The following DZIP1L variants were observed in gnomAD, a reference collection of about 807,000 sequenced individuals.
DZIP1L encodes the protein DAZ interacting zinc finger protein 1 like.
DZIP1L carries 90 observed loss-of-function variants against 88.7 expected under a neutral mutation model. The ratio of observed to expected loss-of-function variants is 1.02; its 90% CI spans 0.86 to 1.21. The LOEUF is 1.21. Ranked by LOEUF, DZIP1L falls within the 50% of genes most tolerant of loss-of-function variation. The probability of loss-of-function intolerance (pLI) is 0.00; values close to 1 mark genes in which losing one functional copy is unlikely to be tolerated. For missense variants in DZIP1L, 932 were observed against 955.8 expected, an observed-to-expected ratio of 0.98 and a Z score of 0.33; for synonymous variants, 363 against 372.1, an observed-to-expected ratio of 0.98 and a Z score of 0.28.
intron 1 of DZIP1L, among the ~76,000 whole-genome samples, chr3:138,111,287 A>C (rs990728652): frequency 4.6e-5 from 7 of 152,252 alleles, no homozygotes; most frequent in African/African-American, 1.7e-4. Flanking sequence ...GTAAAAGCTG[A>C]GTAGGAATCC....
At chr3:138,101,398 C>G in intron 2 of DZIP1L, 3 of 694,688 alleles carry the variant, frequency 4.3e-6, no homozygotes, top group Non-Finnish European at 7.7e-6. Context: ...GTTCCCTGTG[C>G]TACCCTGCAC....
chr3:138,110,807 A>G (rs1281007055), intron 1 of DZIP1L, among the ~76,000 whole-genome samples: 1 of 152,242 alleles, frequency 6.6e-6, no homozygotes, highest in Admixed American at 6.5e-5. Context: ...TCTCACAACA[A>G]CCTATTATGC....
intron 10 of DZIP1L, among the ~76,000 whole-genome samples, chr3:138,077,921 A>C (rs1329832969): frequency 6.6e-6 from 1 of 152,238 alleles, no homozygotes; most frequent in Non-Finnish European, 1.5e-5. Context: ...CTGGTGGACA[A>C]GATAGACAGA....
rs186684749 is a variant in DZIP1L at position 138,095,260 on chromosome 3, T to A, written c.587-277A>T. On this transcript the variant is annotated intron_variant, in intron 3 of 15. Transcript: ENST00000327532. ...GTCTGGCACGACAGCTCAAAAAATGTGAATTACTATTGTACTGTCACTTAA... is the reference window on the plus strand; with the variant it reads ...GTCTGGCACGACAGCTCAAAAAATGAGAATTACTATTGTACTGTCACTTAA... Among the ~76,000 whole-genome samples the A allele has an allele frequency of 9.9e-5, 15 of 152,276 alleles. No homozygotes were observed. In the East Asian group the frequency reaches 2.9e-3, roughly 29 times the overall value.
chr3:138,100,799 G>A (rs1249411142), intron 2 of DZIP1L, among the ~76,000 whole-genome samples: 1 of 152,214 alleles, frequency 6.6e-6, no homozygotes. Context: ...CATCCTCAGA[G>A]CCTGGCACAG....
intron 12 of DZIP1L, among the ~76,000 whole-genome samples, 176 bp from the exon 13 acceptor site, chr3:138,068,543 T>G (rs1187084682): frequency 6.6e-6 from 1 of 152,104 alleles, no homozygotes; most frequent in African/African-American, 2.4e-5. Context: ...CTGGCCAGAT[T>G]CGAGGCTAGG....
At chr3:138,101,775 G>T in intron 2 of DZIP1L, 1 of 1,092,068 alleles carries the variant, frequency 9.2e-7, no homozygotes, top group Non-Finnish European at 1.4e-6. Flanking sequence ...TGGCGATCTT[G>T]ATGTCCAGGG....
chr3:138,102,156 A>C lies in DZIP1L; in HGVS notation c.501+1315T>G. On this transcript the variant is annotated intron_variant, in intron 2 of 15. Coordinates refer to ENST00000327532, the MANE Select transcript of DZIP1L (RefSeq NM_173543.3). ...CTCAGCGATGATGCTGTCCATGTCCAGGGAGTGACTGTTGTCCATGGACAG... is the reference window on the plus strand; with the variant it reads ...CTCAGCGATGATGCTGTCCATGTCCCGGGAGTGACTGTTGTCCATGGACAG... The C allele has an allele frequency of 2.2e-6, 3 of 1,380,978 alleles. No individual in the cohort carries two copies. In the South Asian group the frequency reaches 3.5e-5, roughly 16 times the overall value. 85.5% of individuals were successfully genotyped at this position (1,380,978 alleles called of 1,614,324 possible).
intron 8 of DZIP1L, 127 bp from the exon 9 acceptor site, chr3:138,081,891 C>G: frequency 1.1e-6 from 1 of 900,406 alleles, no homozygotes; most frequent in South Asian, 2.0e-5. Flanking sequence ...ACGTTGGGAA[C>G]TGGAAGGAGC....
In DZIP1L at chr3:138,088,412, C is replaced by T; in HGVS notation, c.966G>A (p.Glu322=). 3 of 1,613,710 alleles carry T rather than the reference C, an allele frequency of 1.9e-6. No homozygotes were observed. The highest frequency in any genetic ancestry group is 2.7e-5 in the African/African-American group (2 of 75,038). The change falls in exon 6 of 16, where the codon GAG becomes GAA. Residue 322 remains glutamate (E), a synonymous_variant. Coordinates refer to ENST00000327532, the MANE Select transcript of DZIP1L (RefSeq NM_173543.3). ...ESEEWLRQAR[E]LQALREKTEI... ...CTGTCTTCTCTCTCAGGGCCTGAAG[C>T]TCCCGTGCCTGCCGAAGCCACTCCT...
rs184093855 is a variant in DZIP1L, at chr3:138,068,817, A to G, written c.1616-450T>C. On this transcript the variant is annotated intron_variant, in intron 12 of 15. Coordinates refer to ENST00000327532, the MANE Select transcript of DZIP1L (RefSeq NM_173543.3). Reference sequence around the variant, plus strand: ...CAAGATCCACTCAAACCTCCTCCCAAATGCAGTCTGGGGCAAGGCAGTACC... The same window carrying G: ...CAAGATCCACTCAAACCTCCTCCCAGATGCAGTCTGGGGCAAGGCAGTACC... 1.6e-4 allele frequency among the ~76,000 whole-genome samples: 25 copies of G among 152,144 alleles called. No individual in the cohort carries two copies. In the East Asian group the frequency reaches 4.3e-3, roughly 26 times the overall value.
chr3:138,080,211 G>C, intron 10 of DZIP1L: 1 of 169,856 alleles, frequency 5.9e-6, no homozygotes, highest in Middle Eastern at 2.8e-3. Flanking sequence ...TCAACTAGGC[G>C]AGTTATCTTC....
At chr3:138,112,299 A>C (rs1288839017) in intron 1 of DZIP1L, 1 of 152,068 alleles carries the variant, frequency 6.6e-6, no homozygotes, top group Non-Finnish European at 1.5e-5. Flanking sequence ...ATTATGCCAA[A>C]CTCTTAATAA....
In DZIP1L at chr3:138,062,883, G is replaced by C. The variant is rs577055084; in HGVS notation, c.2237C>G (p.Ser746Ter). ...AGTGCCAAACTTCTCTGGGAGCTTTGAGCGAGACAAGGGCTTGGGTTTCTC... is the reference window on the plus strand; with the variant it reads ...AGTGCCAAACTTCTCTGGGAGCTTTCAGCGAGACAAGGGCTTGGGTTTCTC... ...QREKPKPLSR[S>*]KLPEKFGTGP... The change falls in exon 16 of 16, where the codon TCA becomes TGA. Residue 746 changes from serine to a stop codon, truncating the protein, a stop_gained. Coordinates refer to ENST00000327532, the MANE Select transcript of DZIP1L (RefSeq NM_173543.3). LOFTEE classifies it low-confidence loss of function (END_TRUNC). 10 of 1,614,094 alleles carry C rather than the reference G, an allele frequency of 6.2e-6. No homozygotes were observed. Among genetic ancestry groups the C allele is most frequent in the East Asian group, 2.2e-5 (1 of 44,888 alleles).
chr3:138,108,256 T>C (rs540295898), intron 1 of DZIP1L: 2 of 985,258 alleles, frequency 2.0e-6, no homozygotes, highest in East Asian at 1.1e-4. Context: ...CACAACAAGC[T>C]GTGCCTCGGA....
At chr3:138,097,427 C>T (rs868358352) in intron 3 of DZIP1L, among the ~76,000 whole-genome samples, 3 of 152,172 alleles carry the variant, frequency 2.0e-5, no homozygotes, top group African/African-American at 7.2e-5. Context: ...AAGGTAAGAG[C>T]CCTTCAAAGT....
At chr3:138,064,484 G>T in intron 15 of DZIP1L, 144 bp downstream of exon 15, 3 of 1,610,604 alleles carry the variant, frequency 1.9e-6, no homozygotes. Context: ...GTGCACAGGG[G>T]CAGAGGGAGG....
intron 2 of DZIP1L, chr3:138,101,883 G>A (rs1428783606): frequency 4.0e-5 from 57 of 1,419,304 alleles, no homozygotes; most frequent in Middle Eastern, 1.9e-4. Flanking sequence ...ACAGCTTGGC[G>A]TTGGCATCCT....
intron 4 of DZIP1L, among the ~76,000 whole-genome samples, chr3:138,093,373 T>A (rs574031703): frequency 2.9e-4 from 44 of 152,328 alleles, no homozygotes; most frequent in Admixed American, 1.4e-3. Flanking sequence ...CGGACTTTCT[T>A]GTTCCATTTT....
Sources: gnomAD v4.1 joint callset for allele counts (sites outside exome capture counted in the v4.1 genomes callset) on GRCh38, gnomAD v4.1.1 for gene constraint, MANE v1.5 for transcripts, NCBI Gene and HGNC (gene_info 2026-07-23, HGNC 2026-07-21) for gene names.